Variants in DNAH5 observed in about 807,000 individuals in gnomAD.
DNAH5 encodes axonemal beta dynein heavy chain 5.
In DNAH5, 372 loss-of-function variants were observed where a neutral mutation model predicts 518.2. The observed-to-expected ratio is 0.72, with a 90% CI of 0.66 to 0.78. The LOEUF (loss-of-function observed/expected upper bound fraction) is 0.78. Ranked by LOEUF, DNAH5 falls within the 30% of genes least tolerant of loss-of-function variation. The pLI is 0.00. For missense variants in DNAH5, 5,523 were observed against 5,687.0 expected (o/e 0.97, Z 0.93); for synonymous variants, 2,039 against 2,025.9 (o/e 1.01, Z -0.17).
Position 13,901,316 on chromosome 5 carries a change from T to A in DNAH5, c.1988A>T (p.Tyr663Phe), listed in dbSNP as rs371236147. The change falls in exon 14 of 79, where the codon TAC becomes TTC. Residue 663 changes from tyrosine (Y) to phenylalanine (F), a missense_variant. This residue lies in a region of DNAH5 where 5,121 missense variants were observed against 5,223.3 expected (regional missense o/e 0.98). Coordinates refer to ENST00000265104, the MANE Select transcript of DNAH5 (RefSeq NM_001369.3). ...CAGGAGGACCTTGGCCATCCTGTTG[T>A]AACTGCGAATTATAGGTTTGGCTTC... ...TAEAKPIIRS[Y>F]NRMAKVLLEF... The A allele has an allele frequency of 6.2e-7, 1 of 1,614,170 alleles. No homozygotes were observed. The highest frequency in any genetic ancestry group is 1.7e-5 in the Admixed American group (1 of 60,032).
chr5:13,808,986 G>A, intron 46 of DNAH5, 58 bp downstream of exon 46: 3 of 1,587,268 alleles, frequency 1.9e-6, no homozygotes, highest in South Asian at 1.1e-5. Flanking sequence ...AATAAATGCA[G>A]GATGCTTCAT....
At position 13,891,631 on chromosome 5, in the gene DNAH5, C is replaced by T. The variant is rs1424751001; in HGVS notation, c.2432-510G>A. Among the ~76,000 whole-genome samples, 9 of 152,300 alleles carry T rather than the reference C, an allele frequency of 5.9e-5. No homozygotes were observed. The East Asian group carries it at 7.7e-4, about 13-fold the overall frequency. On this transcript the variant is annotated intron_variant, in intron 16 of 78. Coordinates refer to ENST00000265104, the MANE Select transcript of DNAH5 (RefSeq NM_001369.3). ...CAGATGGAGCATCCTTCCGTCTCTG[C>T]GGATTGTCTACCCATGTGTCTTATC...
At chr5:13,974,336 GCTGGGCTTGAACTC>G (rs1299096610) in intron 1 of DNAH5, among the ~76,000 whole-genome samples, 3 of 151,826 alleles carry the variant, frequency 2.0e-5, no homozygotes, top group South Asian at 2.1e-4. Context: ...TGTTGCCCAG[GCTGGGCTTGAACTC>G]CTGGACTCAA....
intron 78 of DNAH5, among the ~76,000 whole-genome samples, chr5:13,696,526 T>G (rs1321208784): frequency 2.0e-5 from 3 of 152,202 alleles, no homozygotes; most frequent in African/African-American, 7.2e-5. Context: ...ACCAGTCCTA[T>G]ATCTATATTT....
In DNAH5 at chr5:13,780,973, C is replaced by G. The variant is rs769508388; in HGVS notation, c.8821-14G>C. On this transcript the variant is annotated splice_polypyrimidine_tract_variant and intron_variant, in intron 52 of 78. Transcript: ENST00000265104. ...GACACGAGAGATCTGTAATATGGAA[C>G]AGAAAAAGTATGTATCTTTCAACAT... The G allele has an allele frequency of 9.9e-6, 16 of 1,612,866 alleles. No individual in the cohort carries two copies. The highest frequency in any genetic ancestry group is 6.7e-5 in the Admixed American group (4 of 59,946).
intron 1 of DNAH5, among the ~76,000 whole-genome samples, chr5:13,988,941 CT>C (rs1783279664): frequency 7.4e-6 from 1 of 136,000 alleles, no homozygotes; most frequent in African/African-American, 2.7e-5. Context: ...TTGGCCAGGC[CT>C]GGTCTCAAAC....
At chr5:13,922,071 TG>T in intron 5 of DNAH5, 35 bp downstream of exon 5, 1 of 1,601,474 alleles carries the variant, frequency 6.2e-7, no homozygotes, top group Non-Finnish European at 8.6e-7. Flanking sequence ...GTTGACCACC[TG>T]ATCATTTTTA....
intron 18 of DNAH5, 67 bp from the exon 19 acceptor site, chr5:13,885,295 A>G (rs1772249177): frequency 6.5e-7 from 1 of 1,549,134 alleles, no homozygotes; most frequent in African/African-American, 1.4e-5. Flanking sequence ...ATAGACAGAT[A>G]GATAGACAGA....
At chr5:13,817,956 T>C (rs965501260) in intron 41 of DNAH5, among the ~76,000 whole-genome samples, 1 of 152,214 alleles carries the variant, frequency 6.6e-6, no homozygotes, top group Non-Finnish European at 1.5e-5. Context: ...CTGGAATTTA[T>C]GAAGGTACTA....
chr5:13,856,041 G>A (rs1223995545), intron 30 of DNAH5, among the ~76,000 whole-genome samples: 1 of 152,206 alleles, frequency 6.6e-6, no homozygotes, highest in Non-Finnish European at 1.5e-5. Context: ...ACAGGAGAAA[G>A]TGGAAAAGAT....
At chr5:13,701,737 T>C (rs1742147211) in intron 76 of DNAH5, among the ~76,000 whole-genome samples, 1 of 152,250 alleles carries the variant, frequency 6.6e-6, no homozygotes, top group Non-Finnish European at 1.5e-5. Flanking sequence ...CATGTACCAA[T>C]ATATTCATCA....
chr5:13,783,938 C>A (rs1027277413), intron 52 of DNAH5, among the ~76,000 whole-genome samples: 1 of 152,132 alleles, frequency 6.6e-6, no homozygotes, highest in East Asian at 1.9e-4. Context: ...ACTCTAGTCA[C>A]GGATTCTTCA....
rs1350938797 is a variant in DNAH5 at position 13,882,796 on chromosome 5, T to A, written c.3194A>T (p.Lys1065Ile). ...LLSKKKIQER[K>I]MAALQSNEDS... ...TTCATTACTCTGCAAAGCAGCCATT[T>A]TTCTTTCTTGTATCTTTTTCTACAA... The change falls in exon 21 of 79, where the codon AAA (lysine) becomes ATA (isoleucine). Residue 1065 changes from lysine to isoleucine, a missense_variant. By Grantham distance (102) the Lys-to-Ile change is moderately radical. Around this residue, in one of 3 missense-constraint regions of DNAH5, gnomAD observed 5,121 missense variants for 5,223.3 expected, o/e 0.98. Transcript: ENST00000265104. 2 of 1,614,162 alleles carry A rather than the reference T, an allele frequency of 1.2e-6. No individual in the cohort carries two copies. The highest frequency in any genetic ancestry group is 1.7e-6 in the Non-Finnish European group (2 of 1,179,974).
intron 76 of DNAH5, among the ~76,000 whole-genome samples, chr5:13,706,270 T>TGGGAAA (rs1228260720): frequency 6.6e-6 from 1 of 152,228 alleles, no homozygotes; most frequent in Non-Finnish European, 1.5e-5. Context: ...CTGTCTTGAT[T>TGGGAAA]TCCCCCTCCT....
In DNAH5 at chr5:13,850,715, G is replaced by C; in HGVS notation, c.5051C>G (p.Thr1684Ser). 1 of 1,613,968 alleles carries C rather than the reference G, an allele frequency of 6.2e-7. No homozygotes were observed. Among genetic ancestry groups the C allele is most frequent in the Non-Finnish European group, 8.5e-7 (1 of 1,179,936 alleles). ...CAAGTGTGGTAACAGCTGCCCCAGG[G>C]TCTCATCTCCAACACAGCACTGGAC... ...SVVQCCVGDE[T>S]LGQLLPHLLD... Residue 1684 changes from threonine to serine, a missense_variant, in exon 31 of 79, where the codon ACC becomes AGC. Physicochemically the swap from Thr to Ser is moderately conservative, Grantham distance 58. Transcript: ENST00000265104.
intron 1 of DNAH5, among the ~76,000 whole-genome samples, chr5:13,979,800 G>A (rs959978258): frequency 2.7e-5 from 4 of 148,762 alleles, no homozygotes; most frequent in African/African-American, 7.4e-5. Flanking sequence ...TTTTTGTTTA[G>A]TTTGTTTTAC....
intron 12 of DNAH5, among the ~76,000 whole-genome samples, chr5:13,904,673 G>T (rs1406348892): frequency 6.6e-6 from 1 of 152,024 alleles, no homozygotes. Context: ...AACATTGGGA[G>T]GCCAAGGTTG....
intron 31 of DNAH5, among the ~76,000 whole-genome samples, chr5:13,847,036 G>A (rs182157664): frequency 2.0e-5 from 3 of 152,226 alleles, no homozygotes; most frequent in Non-Finnish European, 4.4e-5. Flanking sequence ...TTTCTGTCCC[G>A]TTAGACCAGT....
chr5:13,721,057 G>A lies in DNAH5; in HGVS notation c.12222C>T (p.Ser4074=). 6.2e-7 allele frequency: 1 copy of A among 1,614,082 alleles called. No homozygotes were observed. The highest frequency in any genetic ancestry group is 8.5e-7 in the Non-Finnish European group (1 of 1,179,992). ...CATGGACTTCCTGGCCCTGGCCCAT[G>A]GACACATAACGGGTTTCTATTTTTA... The part of the protein sequence containing the change: ...KRLKIETRYV[S]MGQGQEVHAR... Residue 4074 remains serine, a synonymous_variant, in exon 71 of 79, where the codon TCC becomes TCT. Coordinates refer to ENST00000265104, the MANE Select transcript of DNAH5 (RefSeq NM_001369.3).
Sources: allele counts gnomAD v4.1 joint callset (sites outside exome capture counted in the v4.1 genomes callset), GRCh38; gene constraint gnomAD v4.1.1; regional missense constraint gnomAD v4.1.1; transcripts MANE v1.5; gene names NCBI Gene and HGNC (gene_info 2026-07-23, HGNC 2026-07-21).